Variants in CALN1 observed in about 807,000 individuals in gnomAD.
CALN1 encodes the protein calcium-binding protein 8.
CALN1 carries 17 observed loss-of-function variants against 30.6 expected under a neutral mutation model. The observed-to-expected ratio is 0.56, with a 90% confidence interval of 0.38 to 0.83. The LOEUF (loss-of-function observed/expected upper bound fraction) is 0.83, where lower values mean the gene tolerates loss of function less well. Among genes scored for constraint, CALN1 ranks in the 40% least tolerant of loss-of-function variants. The pLI is 0.00. For missense variants in CALN1, 291 were observed against 354.9 expected (o/e 0.82, Z 1.45); for synonymous variants, 156 against 131.4 (o/e 1.19, Z -1.28).
chr7:72,198,026 T>G (rs1272432952), intron 3 of CALN1, among the ~76,000 whole-genome samples: 1 of 152,214 alleles, frequency 6.6e-6, no homozygotes, highest in Admixed American at 6.5e-5. Context: ...CATTCCCTCT[T>G]TGGAGGGGAA....
At chr7:72,112,370 T>C (rs1807642201) in intron 3 of CALN1, among the ~76,000 whole-genome samples, 1 of 152,234 alleles carries the variant, frequency 6.6e-6, no homozygotes, top group Non-Finnish European at 1.5e-5. Context: ...CTGCTTATTC[T>C]TCACAGAAAT....
chr7:71,950,232 C>T (rs1302781391), intron 5 of CALN1, among the ~76,000 whole-genome samples: 1 of 152,106 alleles, frequency 6.6e-6, no homozygotes, highest in Non-Finnish European at 1.5e-5. Context: ...TTGTTTTAGC[C>T]ACAGCACAAG....
intron 3 of CALN1, among the ~76,000 whole-genome samples, chr7:72,205,561 T>TACATATATACACATATATATATAC (rs1791791407): frequency 3.9e-5 from 3 of 77,052 alleles, no homozygotes; most frequent in African/African-American, 2.2e-4. Flanking sequence ...AATATATATA[T>TACATATATACACATATATATATAC]ATATATGTAT....
chr7:72,476,256 C>T, the CALN1 span, among the ~76,000 whole-genome samples: 102 of 152,148 alleles, frequency 6.7e-4, no homozygotes, highest in African/African-American at 2.3e-3. Context: ...AGCACATGCT[C>T]TCTTACATGC....
chr7:71,902,639 A>G (rs576664074), intron 5 of CALN1, among the ~76,000 whole-genome samples: 36 of 152,224 alleles, frequency 2.4e-4, no homozygotes, highest in Non-Finnish European at 4.7e-4. Context: ...ACTACTGGGT[A>G]TCTACCCGAA....
chr7:71,990,917 C>T (rs1798914700), intron 5 of CALN1, among the ~76,000 whole-genome samples: 1 of 152,074 alleles, frequency 6.6e-6, no homozygotes, highest in African/African-American at 2.4e-5. Flanking sequence ...TACAGCACAA[C>T]ATACACTCCA....
intron 3 of CALN1, among the ~76,000 whole-genome samples, chr7:72,252,341 T>C (rs1304358434): frequency 6.6e-6 from 1 of 152,170 alleles, no homozygotes; most frequent in African/African-American, 2.4e-5. Context: ...GACTCACATC[T>C]ATATTCCTAG....
At chr7:71,883,161 A>C (rs1057250702) in intron 5 of CALN1, among the ~76,000 whole-genome samples, 1 of 152,196 alleles carries the variant, frequency 6.6e-6, no homozygotes, top group African/African-American at 2.4e-5. Context: ...ATCTATACAC[A>C]TATACACACA....
intron 3 of CALN1, among the ~76,000 whole-genome samples, chr7:72,263,522 G>A (rs1364930928): frequency 6.6e-6 from 1 of 151,736 alleles, no homozygotes; most frequent in Non-Finnish European, 1.5e-5. Flanking sequence ...CAGCTTGCTG[G>A]GCAACTTGGA....
chr7:72,053,324 T>C (rs1342646140), intron 4 of CALN1, among the ~76,000 whole-genome samples: 1 of 152,204 alleles, frequency 6.6e-6, no homozygotes, highest in African/African-American at 2.4e-5. Flanking sequence ...TTTTCAAATA[T>C]GCAGATTCAT....
chr7:72,061,101 C>G (rs1803617462), intron 4 of CALN1, among the ~76,000 whole-genome samples: 1 of 152,166 alleles, frequency 6.6e-6, no homozygotes, highest in African/African-American at 2.4e-5. Context: ...CCAAAGAAAG[C>G]TGGTCAGAAT....
At chr7:72,285,490 G>T (rs1408948693) in intron 2 of CALN1, among the ~76,000 whole-genome samples, 2 of 152,034 alleles carry the variant, frequency 1.3e-5, no homozygotes, top group African/African-American at 4.8e-5. Flanking sequence ...TGATCTGCCC[G>T]CCTCGGCCTC....
chr7:71,996,120 G>A (rs1012206096), intron 5 of CALN1, among the ~76,000 whole-genome samples: 8 of 152,128 alleles, frequency 5.3e-5, no homozygotes, highest in African/African-American at 1.9e-4. Context: ...TGCAACCATA[G>A]TCCGCAAAAG....
In CALN1 at chr7:71,799,627, A is replaced by G. The variant is rs758527434; in HGVS notation, c.658+10709T>C. 2.6e-5 allele frequency among the ~76,000 whole-genome samples: 4 copies of G among 151,812 alleles called. No individual in the cohort carries two copies. The East Asian group carries it at 7.8e-4, about 29-fold the overall frequency. ...ATTACAGGTGCCCGCCACCATACCC[A>G]GCTAATTTTTATTTCTTTTTGTATT... On this transcript the variant is annotated intron_variant, in intron 6 of 6. Coordinates refer to ENST00000395275, the MANE Select transcript of CALN1 (RefSeq NM_031468.4).
intron 6 of CALN1, among the ~76,000 whole-genome samples, chr7:71,805,173 T>C (rs1400730779): frequency 6.6e-6 from 1 of 152,208 alleles, no homozygotes; most frequent in South Asian, 2.1e-4. Flanking sequence ...AAATGTCTGT[T>C]TCTTTGCCCA....
At chr7:72,051,094 T>C (rs1802808493) in intron 4 of CALN1, among the ~76,000 whole-genome samples, 1 of 151,548 alleles carries the variant, frequency 6.6e-6, no homozygotes, top group Admixed American at 6.6e-5. Context: ...TTTAGAAAAG[T>C]TAGACTTAAA....
chr7:71,953,982 G>C (rs757367212), intron 5 of CALN1, among the ~76,000 whole-genome samples: 2 of 152,196 alleles, frequency 1.3e-5, no homozygotes, highest in African/African-American at 4.8e-5. Context: ...GAGAACCTGA[G>C]AATCTGGCTT....
intron 5 of CALN1, among the ~76,000 whole-genome samples, chr7:71,853,307 T>C (rs1401691895): frequency 6.6e-6 from 1 of 152,094 alleles, no homozygotes; most frequent in Non-Finnish European, 1.5e-5. Flanking sequence ...ATTTTATTTA[T>C]ATAATTGGCA....
At chr7:72,312,499 G>A (rs752544542) in intron 2 of CALN1, among the ~76,000 whole-genome samples, 1 of 151,878 alleles carries the variant, frequency 6.6e-6, no homozygotes, top group Admixed American at 6.6e-5. Context: ...GACAGACAGC[G>A]CTGGGCCACT....
Sources: gnomAD v4.1 joint callset for allele counts (sites outside exome capture counted in the v4.1 genomes callset) on GRCh38, gnomAD v4.1.1 for gene constraint, MANE v1.5 for transcripts, NCBI Gene and HGNC (gene_info 2026-07-23, HGNC 2026-07-21) for gene names.